The following PTPRR variants were observed in gnomAD, a reference collection of about 807,000 sequenced individuals.
PTPRR encodes the protein receptor-type tyrosine-protein phosphatase R.
A neutral mutation model predicts 77.2 loss-of-function variants in PTPRR; 38 were observed. The observed-to-expected ratio is 0.49, with a 90% CI of 0.38 to 0.65. The LOEUF (loss-of-function observed/expected upper bound fraction) is 0.65. Ranked by LOEUF, PTPRR falls within the 30% of genes least tolerant of loss-of-function variation. The probability of loss-of-function intolerance (pLI) is 0.00; values close to 1 mark genes in which losing one functional copy is unlikely to be tolerated. For missense variants in PTPRR, 744 were observed against 799.2 expected, an observed-to-expected ratio of 0.93 and a Z score of 0.83; for synonymous variants, 299 against 283.1, an observed-to-expected ratio of 1.06 and a Z score of -0.57.
At chr12:70,770,462 A>G (rs1890945045) in intron 2 of PTPRR, among the ~76,000 whole-genome samples, 1 of 152,186 alleles carries the variant, frequency 6.6e-6, no homozygotes. Context: ...ACAATGAGAT[A>G]CCATCTCACA....
rs2136967345 is a variant in PTPRR at position 70,764,730 on chromosome 12, A to C, written c.406T>G (p.Phe136Val). Reference protein sequence around the residue: ...NKLNITLLRIFRQGVAAALGL... With the variant: ...NKLNITLLRIVRQGVAAALGL... Reference sequence around the variant, plus strand: ...AAAGCTGCAGCCACTCCTTGGCGGAAGATCCGAAGCAAGGTTATGTTCAGC... The same window carrying C: ...AAAGCTGCAGCCACTCCTTGGCGGACGATCCGAAGCAAGGTTATGTTCAGC... The change falls in exon 3 of 14, where the codon TTC becomes GTC. Residue 136 changes from phenylalanine to valine, a missense_variant. Physicochemically the swap from Phe to Val is conservative, Grantham distance 50. Transcript: ENST00000283228. The C allele has an allele frequency of 1.2e-6, 2 of 1,614,198 alleles. No homozygotes were observed. Among genetic ancestry groups the C allele is most frequent in the East Asian group, 4.5e-5 (2 of 44,876 alleles).
intron 4 of PTPRR, among the ~76,000 whole-genome samples, chr12:70,756,120 C>G (rs1284696096): frequency 2.0e-5 from 3 of 151,810 alleles, no homozygotes; most frequent in Non-Finnish European, 4.4e-5. Flanking sequence ...TGTTCCTAAC[C>G]CGATTTGGTT....
chr12:70,849,336 A>T (rs1326886591), intron 2 of PTPRR, among the ~76,000 whole-genome samples: 1 of 152,198 alleles, frequency 6.6e-6, no homozygotes, highest in East Asian at 1.9e-4. Context: ...AGTTCTTAAG[A>T]ATAGGCCAGA....
chr12:70,778,075 G>A (rs1055604321), intron 2 of PTPRR, among the ~76,000 whole-genome samples: 1 of 152,050 alleles, frequency 6.6e-6, no homozygotes, highest in Admixed American at 6.6e-5. Flanking sequence ...ATTTCAAATC[G>A]CTTCTTTCAA....
At chr12:70,878,607 G>T (rs1893093783) in intron 2 of PTPRR, among the ~76,000 whole-genome samples, 1 of 152,212 alleles carries the variant, frequency 6.6e-6, no homozygotes, top group Non-Finnish European at 1.5e-5. Flanking sequence ...AACAGCAGGT[G>T]CTGGAGAGGA....
At chr12:70,910,123 A>G (rs1893679321) in intron 1 of PTPRR, among the ~76,000 whole-genome samples, 1 of 152,070 alleles carries the variant, frequency 6.6e-6, no homozygotes, top group African/African-American at 2.4e-5. Context: ...TTGGTCTTAT[A>G]TTGCAGCTAT....
At chr12:70,703,555 A>T (rs1029473749) in intron 6 of PTPRR, among the ~76,000 whole-genome samples, 12 of 152,170 alleles carry the variant, frequency 7.9e-5, no homozygotes, top group Non-Finnish European at 1.6e-4. Context: ...TTTTAGTGGG[A>T]AAGTAGTTTT....
At chr12:70,845,544 A>T (rs543343130) in intron 2 of PTPRR, among the ~76,000 whole-genome samples, 1 of 152,232 alleles carries the variant, frequency 6.6e-6, no homozygotes, top group South Asian at 2.1e-4. Context: ...TTCCAGAATT[A>T]ATCCTATCTC....
intron 6 of PTPRR, among the ~76,000 whole-genome samples, chr12:70,744,139 G>T (rs1459472368): frequency 2.6e-5 from 4 of 152,080 alleles, no homozygotes; most frequent in Non-Finnish European, 4.4e-5. Context: ...CAGAGTAAAA[G>T]AACCAGAAAG....
chr12:70,693,827 A>G (rs1227339168), intron 8 of PTPRR, among the ~76,000 whole-genome samples: 1 of 152,150 alleles, frequency 6.6e-6, no homozygotes, highest in Non-Finnish European at 1.5e-5. Context: ...AAACTTCTCT[A>G]TACATAGATG....
intron 2 of PTPRR, among the ~76,000 whole-genome samples, chr12:70,860,656 T>G (rs376116178): frequency 5.9e-5 from 9 of 152,182 alleles, no homozygotes; most frequent in Non-Finnish European, 1.0e-4. Flanking sequence ...CCCAGCTCCA[T>G]GTAGTGTTTT....
At chr12:70,818,911 T>C (rs1891956047) in intron 2 of PTPRR, among the ~76,000 whole-genome samples, 1 of 152,210 alleles carries the variant, frequency 6.6e-6, no homozygotes, top group Non-Finnish European at 1.5e-5. Context: ...AACAGCCTTA[T>C]CCAAACTTGT....
At chr12:70,736,168 A>G (rs1889854348) in intron 6 of PTPRR, among the ~76,000 whole-genome samples, 1 of 152,182 alleles carries the variant, frequency 6.6e-6, no homozygotes, top group East Asian at 1.9e-4. Flanking sequence ...GAATGGCAAA[A>G]ATCAGATTAA....
At chr12:70,832,094 A>G (rs1378694776) in intron 2 of PTPRR, among the ~76,000 whole-genome samples, 2 of 152,244 alleles carry the variant, frequency 1.3e-5, no homozygotes, top group Non-Finnish European at 2.9e-5. Context: ...TTTCCTGATC[A>G]CTAAAGCAGC....
At chr12:70,812,885 G>T (rs1891835265) in intron 2 of PTPRR, among the ~76,000 whole-genome samples, 1 of 152,108 alleles carries the variant, frequency 6.6e-6, no homozygotes. Context: ...TGTACCCCTG[G>T]CTTTCTGGAG....
intron 2 of PTPRR, among the ~76,000 whole-genome samples, chr12:70,867,963 C>T (rs2137087188): frequency 6.6e-6 from 1 of 152,214 alleles, no homozygotes; most frequent in Admixed American, 6.5e-5. Flanking sequence ...ACAAATGGTG[C>T]TGGGAAAACT....
Position 70,684,732 on chromosome 12 carries a change from C to G in PTPRR, c.1331G>C (p.Ser444Thr). The stretch of plus-strand genomic sequence containing the variant: ...AATATAATTAGCATTAATGTAGGTG[C>G]TCAATGAATCGGTTACATTTTTTGG... ...LRPKNVTDSLSTYINANYIRG... is the reference protein window; with the variant it reads ...LRPKNVTDSLTTYINANYIRG... The change falls in exon 9 of 14, where the codon AGC becomes ACC. Residue 444 changes from serine to threonine, a missense_variant. Ser to Thr is a moderately conservative substitution (Grantham distance 58). This residue lies in a region of PTPRR where 570 missense variants were observed against 573.2 expected (regional missense o/e 0.99). Transcript: ENST00000283228. 1 of 1,606,408 alleles carries G rather than the reference C, an allele frequency of 6.2e-7. No individual in the cohort carries two copies. Among genetic ancestry groups the G allele is most frequent in the Non-Finnish European group, 8.5e-7 (1 of 1,174,682 alleles).
At chr12:70,906,065 T>A (rs1394908354) in intron 1 of PTPRR, among the ~76,000 whole-genome samples, 1 of 151,966 alleles carries the variant, frequency 6.6e-6, no homozygotes, top group East Asian at 1.9e-4. Flanking sequence ...AAAGTTCTTT[T>A]GGGAAAGGTG....
At chr12:70,901,808 A>G (rs1321175175) in intron 1 of PTPRR, among the ~76,000 whole-genome samples, 1 of 151,838 alleles carries the variant, frequency 6.6e-6, no homozygotes, top group African/African-American at 2.4e-5. Flanking sequence ...TTTGCATGGC[A>G]AAAGAATAGC....
Sources: allele counts gnomAD v4.1 joint callset (sites outside exome capture counted in the v4.1 genomes callset), GRCh38; gene constraint gnomAD v4.1.1; regional missense constraint gnomAD v4.1.1; transcripts MANE v1.5; gene names NCBI Gene and HGNC (gene_info 2026-07-23, HGNC 2026-07-21).